The following CMTM6 variants were observed in gnomAD, a reference collection of about 807,000 sequenced individuals.
CMTM6 encodes the protein CKLF like MARVEL transmembrane domain containing 6.
CMTM6 carries 5 observed loss-of-function variants against 13.6 expected under a neutral mutation model. The ratio of observed to expected loss-of-function variants is 0.37; its 90% CI spans 0.19 to 0.77. CMTM6 has a LOEUF of 0.77. Among genes scored for constraint, CMTM6 ranks in the 30% least tolerant of loss-of-function variants. The pLI is 0.50. For missense variants in CMTM6, 196 were observed against 218.6 expected (o/e 0.90, Z 0.65); for synonymous variants, 99 against 84.5 (o/e 1.17, Z -0.94).
chr3:32,498,972 A>G (rs1004348101), intron 1 of CMTM6, among the ~76,000 whole-genome samples: 1 of 152,190 alleles, frequency 6.6e-6, no homozygotes, highest in African/African-American at 2.4e-5. Context: ...TCTACTACTT[A>G]TATTTTATAA....
intron 1 of CMTM6, among the ~76,000 whole-genome samples, chr3:32,496,978 A>C (rs1697297221): frequency 6.6e-6 from 1 of 152,226 alleles, no homozygotes; most frequent in African/African-American, 2.4e-5. Context: ...GTTAGAAAAC[A>C]GGAGGAACAG....
intron 2 of CMTM6, 75 bp from the exon 3 acceptor site, chr3:32,488,111 T>G: frequency 9.5e-7 from 1 of 1,050,154 alleles, no homozygotes; most frequent in Non-Finnish European, 1.4e-6. Flanking sequence ...CATTTTTAAC[T>G]TTAAAAAGCT....
Position 32,483,783 on chromosome 3 carries a change from A to T in CMTM6, c.*177T>A, listed in dbSNP as rs1402063601. 1.9e-6 allele frequency: 1 copy of T among 524,096 alleles called. No individual in the cohort carries two copies. Among genetic ancestry groups the T allele is most frequent in the Admixed American group, 4.2e-5 (1 of 23,710 alleles). The allele number at this position is 524,096 out of a possible 1,614,324, so 32.5% of individuals were successfully genotyped here. ...TTTAAAAAAAAATTTTTTTTAACTT[A>T]TCTGGCCTACTTTGTGGTGACTGAC... On this transcript the variant is annotated 3_prime_UTR_variant, in exon 4 of 4. Transcript: ENST00000205636.
chr3:32,489,671 AAG>A (rs936382913), intron 2 of CMTM6, among the ~76,000 whole-genome samples: 2 of 151,982 alleles, frequency 1.3e-5, no homozygotes, highest in African/African-American at 4.8e-5. Context: ...AAAAAAAAAA[AAG>A]AGGTTTTCTC....
Position 32,484,033 on chromosome 3 carries a change from C to A in CMTM6, c.479G>T (p.Arg160Leu). ...LDFITMLYEKRQESQLRKPEN... is the reference protein window; with the variant it reads ...LDFITMLYEKLQESQLRKPEN... Reference sequence around the variant, plus strand: ...AGGTTTTCTCAGCTGGGACTCCTGTCGTTTTTCATACAGCATAGTGATAAA... The same window carrying A: ...AGGTTTTCTCAGCTGGGACTCCTGTAGTTTTTCATACAGCATAGTGATAAA... Residue 160 changes from arginine to leucine, a missense_variant, in exon 4 of 4, where the codon CGA becomes CTA. Around this residue, in one of 2 missense-constraint regions of CMTM6, gnomAD observed 111 missense variants for 160.0 expected, o/e 0.69. Coordinates refer to ENST00000205636, the MANE Select transcript of CMTM6 (RefSeq NM_017801.3). 1 of 1,611,538 alleles carries A rather than the reference C, an allele frequency of 6.2e-7. No homozygotes were observed. Among genetic ancestry groups the A allele is most frequent in the South Asian group, 1.1e-5 (1 of 90,666 alleles).
Position 32,483,965 on chromosome 3 carries a change from C to T in CMTM6, c.547G>A (p.Ala183Thr). ...RAEALTEPLN[A>T] ...ACATCTGCTCCCCAGAGTCTTTAGG[C>T]ATTAAGTGGCTCAGTGAGGGCTTCA... Residue 183 changes from alanine (A) to threonine (T), a missense_variant, in exon 4 of 4, where the codon GCC (alanine) becomes ACC (threonine). Ala to Thr is a moderately conservative substitution (Grantham distance 58). Coordinates refer to ENST00000205636, the MANE Select transcript of CMTM6 (RefSeq NM_017801.3). 1.2e-6 allele frequency: 2 copies of T among 1,601,348 alleles called. No homozygotes were observed. The highest frequency in any genetic ancestry group is 1.7e-6 in the Non-Finnish European group (2 of 1,175,570).
chr3:32,497,687 G>A (rs1425552242), intron 1 of CMTM6, among the ~76,000 whole-genome samples: 7 of 151,330 alleles, frequency 4.6e-5, no homozygotes, highest in South Asian at 2.1e-4. Context: ...ATGAAACCCC[G>A]TCTCTATCAA....
At chr3:32,487,792 T>C in intron 3 of CMTM6, 146 bp downstream of exon 3, 1 of 550,112 alleles carries the variant, frequency 1.8e-6, no homozygotes. Context: ...ATTGATTTGC[T>C]TGTAGGTCTT....
rs1697251354 is a variant in CMTM6, at chr3:32,491,710, CGAT to C, written c.312_314del (p.Ser105del). ...AGGGATGATATTTTCTCATGCTTACCGATGATTTTACTTTTGTGGTATCAACTC... is the reference window on the plus strand; with the variant it reads ...AGGGATGATATTTTCTCATGCTTACCGATTTTACTTTTGTGGTATCAACTC... On this transcript the variant is annotated inframe_deletion and splice_region_variant, in exon 2 of 4. Coordinates refer to ENST00000205636, the MANE Select transcript of CMTM6 (RefSeq NM_017801.3). The C allele has an allele frequency of 6.3e-7, 1 of 1,585,890 alleles. No homozygotes were observed. The highest frequency in any genetic ancestry group is 8.6e-7 in the Non-Finnish European group (1 of 1,167,488).
intron 1 of CMTM6, among the ~76,000 whole-genome samples, chr3:32,498,156 C>T (rs1207089851): frequency 1.3e-5 from 2 of 151,964 alleles, no homozygotes; most frequent in African/African-American, 4.8e-5. Context: ...AAAATTTTAC[C>T]CAAATATAAT....
At position 32,502,655 on chromosome 3, in the gene CMTM6, T is replaced by C. The variant is rs201598355; in HGVS notation, c.91A>G (p.Met31Val). Residue 31 changes from methionine to valine, a missense_variant, in exon 1 of 4, where the codon ATG becomes GTG. Around this residue, in one of 2 missense-constraint regions of CMTM6, gnomAD observed 85 missense variants for 58.7 expected, o/e 1.45. Transcript: ENST00000205636. ...PRSGLAAYFF[M>V]GRLPLLRRVL... ...CGCCGGAGCAATGGGAGCCGGCCCA[T>C]GAAAAAGTAGGCAGCGAGGCCGCTC... The C allele has an allele frequency of 0.011, 16,803 of 1,594,664 alleles. 111 individuals are homozygous for C. Among genetic ancestry groups the C allele is most frequent in the Non-Finnish European group, 0.013 (15,358 of 1,172,350 alleles).
rs1448966794 is a variant in CMTM6, at chr3:32,482,804, C to T, written c.*1156G>A. On this transcript the variant is annotated 3_prime_UTR_variant, in exon 4 of 4. Coordinates refer to ENST00000205636, the MANE Select transcript of CMTM6 (RefSeq NM_017801.3). The stretch of plus-strand genomic sequence containing the variant: ...TCTCAAGATCCTGCTACACAGTATT[C>T]ACAATCAAAAGGGCCCAAGATTCAG... 1 of 144,320 alleles carries T rather than the reference C, an allele frequency of 6.9e-6. No homozygotes were observed. Among genetic ancestry groups the T allele is most frequent in the Non-Finnish European group, 1.5e-5 (1 of 67,140 alleles). The allele number at this position is 144,320 out of a possible 1,614,324, so 8.9% of individuals were successfully genotyped here. A position where few individuals can be genotyped will look rare whatever the true frequency, so the allele number is the denominator to read the frequency against.
intron 1 of CMTM6, among the ~76,000 whole-genome samples, chr3:32,501,921 ATGGTACTTCAAC>A (rs1697348685): frequency 6.6e-6 from 1 of 152,270 alleles, no homozygotes. Context: ...GAACAGGTTT[ATGGTACTTCAAC>A]TGCTTAAAAT....
chr3:32,497,653 T>C (rs1311211108), intron 1 of CMTM6, among the ~76,000 whole-genome samples: 2 of 151,132 alleles, frequency 1.3e-5, no homozygotes, highest in East Asian at 2.0e-4. Context: ...AGGTCAGGAA[T>C]TTGAGACCAG....
chr3:32,498,315 C>T (rs1697313808), intron 1 of CMTM6, among the ~76,000 whole-genome samples: 1 of 152,234 alleles, frequency 6.6e-6, no homozygotes, highest in African/African-American at 2.4e-5. Flanking sequence ...CTGACTCCCA[C>T]TCTGTACTTC....
At chr3:32,487,059 C>T (rs1697211250) in intron 3 of CMTM6, among the ~76,000 whole-genome samples, 2 of 152,084 alleles carry the variant, frequency 1.3e-5, no homozygotes, top group African/African-American at 4.8e-5. Context: ...TATAGCAGGG[C>T]AAGAAGGAAC....
chr3:32,486,870 C>T (rs1697210025), intron 3 of CMTM6, among the ~76,000 whole-genome samples: 1 of 152,178 alleles, frequency 6.6e-6, no homozygotes, highest in Admixed American at 6.5e-5. Flanking sequence ...TGTAGCACCT[C>T]CCCACTCTCT....
chr3:32,487,906 A>C (rs1697218976), intron 3 of CMTM6, 32 bp downstream of exon 3: 1 of 1,476,288 alleles, frequency 6.8e-7, no homozygotes, highest in African/African-American at 1.4e-5. Flanking sequence ...AGGAAACAAA[A>C]ATAAGCAATG....
rs1697360250 is a variant in CMTM6, at chr3:32,502,816, G to A, written c.-71C>T. On this transcript the variant is annotated 5_prime_UTR_variant, in exon 1 of 4. Transcript: ENST00000205636. ...ACTTCTCGGACTCCAGAAGTCCCCGGTAGCCGGGAGGCGGCCGTCACTTCC... is the reference window on the plus strand; with the variant it reads ...ACTTCTCGGACTCCAGAAGTCCCCGATAGCCGGGAGGCGGCCGTCACTTCC... The A allele has an allele frequency of 7.4e-7, 1 of 1,354,220 alleles. No individual in the cohort carries two copies. The highest frequency in any genetic ancestry group is 1.5e-5 in the African/African-American group (1 of 65,070). The allele number at this position is 1,354,220 out of a possible 1,614,324, so 83.9% of individuals were successfully genotyped here.
Sources: gnomAD v4.1 joint callset for allele counts (sites outside exome capture counted in the v4.1 genomes callset) on GRCh38, gnomAD v4.1.1 for gene constraint, gnomAD v4.1.1 regional missense constraint, MANE v1.5 for transcripts, NCBI Gene and HGNC (gene_info 2026-07-23, HGNC 2026-07-21) for gene names.